The following RGS6 variants were observed in gnomAD, a reference collection of about 807,000 sequenced individuals.
The protein encoded by RGS6 is regulator of G protein signaling 6.
In RGS6, 30 loss-of-function variants were observed where a neutral mutation model predicts 78.5. The ratio of observed to expected loss-of-function variants is 0.38; its 90% confidence interval spans 0.29 to 0.52. The LOEUF is 0.52. Ranked by LOEUF, RGS6 falls within the 20% of genes least tolerant of loss-of-function variation. The pLI, the probability that RGS6 is intolerant of heterozygous loss-of-function variation, is 0.85. For synonymous variants in RGS6, 206 were observed against 206.0 expected (o/e 1.00, Z 0.00); for missense variants, 495 against 609.7 (o/e 0.81, Z 1.98).
At chr14:72,281,352 T>C (rs1308286149) in intron 2 of RGS6, among the ~76,000 whole-genome samples, 2 of 152,056 alleles carry the variant, frequency 1.3e-5, no homozygotes, top group East Asian at 1.9e-4. Context: ...TTTCTCCATG[T>C]TGGCCAGGCT....
intron 2 of RGS6, among the ~76,000 whole-genome samples, chr14:71,967,758 A>G (rs2093607764): frequency 6.6e-6 from 1 of 152,202 alleles, no homozygotes; most frequent in South Asian, 2.1e-4. Flanking sequence ...ATCTAGAGAA[A>G]TGAAGCTTTT....
At chr14:72,296,962 G>A (rs2064965300) in intron 2 of RGS6, among the ~76,000 whole-genome samples, 1 of 152,040 alleles carries the variant, frequency 6.6e-6, no homozygotes, top group African/African-American at 2.4e-5. Flanking sequence ...TACAATATGT[G>A]GTAAGATTCA....
At chr14:72,334,017 G>A (rs2075557041) in intron 2 of RGS6, among the ~76,000 whole-genome samples, 1 of 152,218 alleles carries the variant, frequency 6.6e-6, no homozygotes, top group Non-Finnish European at 1.5e-5. Context: ...CACAAATGCG[G>A]ATTGTGCCGG....
the RGS6 span, among the ~76,000 whole-genome samples, chr14:71,878,728 T>C: frequency 1.3e-5 from 2 of 152,142 alleles, no homozygotes; most frequent in Non-Finnish European, 2.9e-5. Flanking sequence ...TGAGATGAAC[T>C]TGGTACCTCA....
intron 2 of RGS6, among the ~76,000 whole-genome samples, chr14:72,317,585 T>C (rs762213890): frequency 4.9e-4 from 74 of 152,272 alleles, no homozygotes; most frequent in African/African-American, 1.7e-3. Flanking sequence ...TTGATTTGGA[T>C]TTTTTGTTGT....
chr14:72,382,201 A>G (rs1387298473), intron 3 of RGS6, among the ~76,000 whole-genome samples: 1 of 152,150 alleles, frequency 6.6e-6, no homozygotes, highest in African/African-American at 2.4e-5. Flanking sequence ...GCACACACCA[A>G]CAAAGCATTA....
intron 2 of RGS6, among the ~76,000 whole-genome samples, chr14:72,008,242 G>C (rs1006303276): frequency 6.6e-6 from 1 of 152,174 alleles, no homozygotes; most frequent in Non-Finnish European, 1.5e-5. Flanking sequence ...CATGGGGCCA[G>C]ATAACTTGTT....
At chr14:72,394,763 C>T (rs1395245500) in intron 3 of RGS6, among the ~76,000 whole-genome samples, 1 of 152,134 alleles carries the variant, frequency 6.6e-6, no homozygotes, top group South Asian at 2.1e-4. Context: ...AGGTGACATA[C>T]ATCCTCAGCT....
chr14:72,458,635 T>A (rs2095695714), intron 5 of RGS6, among the ~76,000 whole-genome samples: 1 of 152,128 alleles, frequency 6.6e-6, no homozygotes. Context: ...ATACCTAAAC[T>A]GGGTATCTTA....
At chr14:72,276,259 C>T (rs977728771) in intron 2 of RGS6, among the ~76,000 whole-genome samples, 1 of 152,154 alleles carries the variant, frequency 6.6e-6, no homozygotes, top group Non-Finnish European at 1.5e-5. Flanking sequence ...ACTATCCAAG[C>T]AGCCAACTTT....
chr14:72,358,523 GA>G (rs1355760778), intron 3 of RGS6, among the ~76,000 whole-genome samples: 1 of 152,258 alleles, frequency 6.6e-6, no homozygotes, highest in Admixed American at 6.5e-5. Flanking sequence ...GAAGTAAAAG[GA>G]GATTATTTCA....
chr14:71,931,036 G>C (rs180864728), upstream of RGS6, among the ~76,000 whole-genome samples: 3 of 127,716 alleles, frequency 2.3e-5, no homozygotes, highest in Non-Finnish European at 4.7e-5. Context: ...CCTCAAAGCG[G>C]AAGTTTCCCT....
chr14:72,423,390 T>C (rs551152859), intron 3 of RGS6, among the ~76,000 whole-genome samples: 2 of 152,042 alleles, frequency 1.3e-5, no homozygotes, highest in Admixed American at 1.3e-4. Flanking sequence ...AATTATAAGA[T>C]ACAAGATGAG....
chr14:72,118,159 A>G (rs1303095652), intron 2 of RGS6, among the ~76,000 whole-genome samples: 1 of 120,782 alleles, frequency 8.3e-6, no homozygotes, highest in African/African-American at 3.9e-5. Context: ...ACTGCCATTT[A>G]AAAAAAAAAA....
chr14:71,939,295 G>C (rs1190373546), intron 1 of RGS6, among the ~76,000 whole-genome samples: 1 of 152,158 alleles, frequency 6.6e-6, no homozygotes, highest in African/African-American at 2.4e-5. Flanking sequence ...AATTTTATTG[G>C]GGTAGAAGGT....
chr14:72,326,113 C>T (rs2073689981), intron 2 of RGS6, among the ~76,000 whole-genome samples: 1 of 152,132 alleles, frequency 6.6e-6, no homozygotes, highest in South Asian at 2.1e-4. Context: ...CATGAATATG[C>T]TTTGTCATAT....
the RGS6 span, among the ~76,000 whole-genome samples, chr14:72,620,590 G>A: frequency 6.6e-6 from 1 of 152,190 alleles, no homozygotes; most frequent in Non-Finnish European, 1.5e-5. Flanking sequence ...AAGGACACAG[G>A]CCATATCTTT....
At chr14:72,307,290 A>G (rs1359113111) in intron 2 of RGS6, among the ~76,000 whole-genome samples, 2 of 151,834 alleles carry the variant, frequency 1.3e-5, no homozygotes, top group Non-Finnish European at 2.9e-5. Context: ...CAAAAAATTC[A>G]TGTGACTTGC....
chr14:72,398,917 C>A (rs1381439529), intron 3 of RGS6, among the ~76,000 whole-genome samples: 1 of 151,972 alleles, frequency 6.6e-6, no homozygotes, highest in Non-Finnish European at 1.5e-5. Context: ...GTGTGAGAGA[C>A]AGTTTGTTAT....
Sources: allele counts gnomAD v4.1 joint callset (sites outside exome capture counted in the v4.1 genomes callset), GRCh38; gene constraint gnomAD v4.1.1; transcripts MANE v1.5; gene names NCBI Gene and HGNC (gene_info 2026-07-23, HGNC 2026-07-21).